Variants in GPC5 observed in about 807,000 individuals in gnomAD.
GPC5 encodes the protein glypican 5.
Under a neutral mutation model 53.9 loss-of-function variants are expected in GPC5, and 47 were observed. The observed-to-expected ratio is 0.87, with a 90% CI of 0.69 to 1.11. The LOEUF (loss-of-function observed/expected upper bound fraction) is 1.11. Among genes scored for constraint, GPC5 ranks in the 50% most tolerant of loss-of-function variants. The pLI is 0.00. For synonymous variants in GPC5, 286 were observed against 263.3 expected (o/e 1.09, Z -0.84); for missense variants, 748 against 713.1 (o/e 1.05, Z -0.56).
intron 6 of GPC5, among the ~76,000 whole-genome samples, chr13:92,085,140 A>C (rs2041326101): frequency 6.6e-6 from 1 of 152,312 alleles, no homozygotes. Context: ...CTGGAGATTA[A>C]GTTTCAACAC....
chr13:92,834,982 GC>G (rs1014757144), intron 7 of GPC5, among the ~76,000 whole-genome samples: 3 of 151,966 alleles, frequency 2.0e-5, no homozygotes, highest in African/African-American at 7.2e-5. Context: ...AAAAAATCTT[GC>G]CCCTGTCAAT....
At chr13:92,576,050 G>A (rs746997991) in intron 7 of GPC5, among the ~76,000 whole-genome samples, 2 of 152,108 alleles carry the variant, frequency 1.3e-5, no homozygotes, top group South Asian at 2.1e-4. Context: ...GTGTGTATGT[G>A]TATGTATATA....
At chr13:92,287,140 A>T (rs1287401552) in intron 7 of GPC5, among the ~76,000 whole-genome samples, 1 of 152,136 alleles carries the variant, frequency 6.6e-6, no homozygotes, top group Admixed American at 6.5e-5. Context: ...TAACTGTTTA[A>T]GTGTGTTTTC....
chr13:92,198,573 G>A (rs369372615), intron 7 of GPC5, among the ~76,000 whole-genome samples: 5 of 152,234 alleles, frequency 3.3e-5, no homozygotes, highest in Non-Finnish European at 1.5e-5. Context: ...TTAAATGTAG[G>A]CAGACTGGCA....
intron 7 of GPC5, among the ~76,000 whole-genome samples, chr13:92,658,740 A>G (rs1182395066): frequency 6.6e-6 from 1 of 152,140 alleles, no homozygotes; most frequent in Non-Finnish European, 1.5e-5. Flanking sequence ...GAGGAAAAAA[A>G]GAAGAAATAT....
intron 6 of GPC5, among the ~76,000 whole-genome samples, chr13:92,136,502 A>G (rs1024047476): frequency 1.2e-4 from 19 of 152,116 alleles, no homozygotes; most frequent in Non-Finnish European, 2.2e-4. Flanking sequence ...TATACTCATT[A>G]TAGTATAAAA....
intron 1 of GPC5, among the ~76,000 whole-genome samples, chr13:91,416,356 G>C (rs1229233564): frequency 6.6e-6 from 1 of 152,122 alleles, no homozygotes; most frequent in Non-Finnish European, 1.5e-5. Context: ...ACTAGCTTGG[G>C]AGAAATGCTG....
intron 5 of GPC5, among the ~76,000 whole-genome samples, chr13:91,852,579 C>T (rs2038926550): frequency 6.6e-6 from 1 of 151,766 alleles, no homozygotes; most frequent in Admixed American, 6.6e-5. Context: ...TGTTGGAGTC[C>T]ATGTTTTAAA....
chr13:91,711,468 G>C (rs183557016), intron 3 of GPC5, among the ~76,000 whole-genome samples: 2 of 152,058 alleles, frequency 1.3e-5, no homozygotes, highest in Admixed American at 6.5e-5. Flanking sequence ...GTGGGGGACT[G>C]GGGGAGGGAT....
chr13:92,069,536 ATAGTT>A (rs2041194287), intron 6 of GPC5, among the ~76,000 whole-genome samples: 1 of 151,982 alleles, frequency 6.6e-6, no homozygotes, highest in East Asian at 1.9e-4. Context: ...CCATATAGAG[ATAGTT>A]ATATTTCTTT....
chr13:92,680,628 T>G (rs1233064081), intron 7 of GPC5, among the ~76,000 whole-genome samples: 3 of 152,136 alleles, frequency 2.0e-5, no homozygotes, highest in Non-Finnish European at 4.4e-5. Context: ...GTGGTGTAAT[T>G]AGCACAATGC....
Position 91,642,332 on chromosome 13 carries a change from C to G in GPC5, c.326-50855C>G, listed in dbSNP as rs549969210. Among the ~76,000 whole-genome samples, 3 of 152,178 alleles carry G rather than the reference C, an allele frequency of 2.0e-5. No individual in the cohort carries two copies. In the South Asian group the frequency reaches 6.2e-4, roughly 32 times the overall value. Reference sequence around the variant, plus strand: ...AAGTCATTGGGAGAAGGAGGAGGAACAGAGGCGTAAACACAGTGAAGAGAC... The same window carrying G: ...AAGTCATTGGGAGAAGGAGGAGGAAGAGAGGCGTAAACACAGTGAAGAGAC... On this transcript the variant is annotated intron_variant, in intron 2 of 7. Transcript: ENST00000377067.
Position 92,648,081 on chromosome 13 carries a change from A to G in GPC5, c.1562-218201A>G, listed in dbSNP as rs778129602. 6.1e-4 allele frequency among the ~76,000 whole-genome samples: 93 copies of G among 152,176 alleles called. 1 individual carries two copies. The highest frequency in any genetic ancestry group is 3.7e-3 in the South Asian group (18 of 4,830). ...CTAAAATGCTTGTGAAACCTTTTCT[A>G]AATAATCACTAATAATCTAAAATAT... On this transcript the variant is annotated intron_variant, in intron 7 of 7. Transcript: ENST00000377067.
intron 6 of GPC5, among the ~76,000 whole-genome samples, chr13:91,920,924 CTCTTTTTTTTTTTTTT>C (rs1427568657): frequency 1.7e-5 from 1 of 59,586 alleles, no homozygotes; most frequent in Non-Finnish European, 3.1e-5. Context: ...CTCTCTCTCT[CTCTTTTTTTTTTTTTT>C]TTTTTTTTTT....
chr13:92,469,353 C>A (rs1259550354), intron 7 of GPC5, among the ~76,000 whole-genome samples: 1 of 151,912 alleles, frequency 6.6e-6, no homozygotes, highest in Non-Finnish European at 1.5e-5. Flanking sequence ...ATTTCTATAC[C>A]ATTTTTAATA....
chr13:92,241,113 A>G (rs1418895693), intron 7 of GPC5: 1 of 152,186 alleles, frequency 6.6e-6, no homozygotes, highest in Non-Finnish European at 1.5e-5. Context: ...TATCTAGTAT[A>G]AGACCCATCT....
At chr13:91,507,122 C>T (rs566671290) in intron 2 of GPC5, among the ~76,000 whole-genome samples, 48 of 152,132 alleles carry the variant, frequency 3.2e-4, no homozygotes, top group African/African-American at 1.1e-3. Context: ...ATAAACAACA[C>T]AGATTTACTT....
intron 7 of GPC5, among the ~76,000 whole-genome samples, chr13:92,521,916 C>T (rs1010842468): frequency 6.6e-6 from 1 of 151,892 alleles, no homozygotes; most frequent in Non-Finnish European, 1.5e-5. Context: ...ACAAAGAACT[C>T]AAACAAATTT....
At chr13:92,705,097 A>G (rs1887905209) in intron 7 of GPC5, among the ~76,000 whole-genome samples, 1 of 152,014 alleles carries the variant, frequency 6.6e-6, no homozygotes, top group Non-Finnish European at 1.5e-5. Flanking sequence ...CTCTGATTAA[A>G]TTGAAAGCAT....
Sources: allele counts gnomAD v4.1 joint callset (sites outside exome capture counted in the v4.1 genomes callset), GRCh38; gene constraint gnomAD v4.1.1; transcripts MANE v1.5; gene names NCBI Gene and HGNC (gene_info 2026-07-23, HGNC 2026-07-21).